Variants in BMP1 observed in about 807,000 individuals in gnomAD.
The protein encoded by BMP1 is mammalian tolloid protein.
Under a neutral mutation model 116.8 loss-of-function variants are expected in BMP1, and 63 were observed. That is an observed-to-expected ratio of 0.54 (90% CI 0.44 to 0.67). The LOEUF (loss-of-function observed/expected upper bound fraction) is 0.67. BMP1 is among the 30% of genes least tolerant of loss of function. The pLI, the probability that BMP1 is intolerant of heterozygous loss-of-function variation, is 0.00. For synonymous variants in BMP1, 536 were observed against 533.4 expected (o/e 1.00, Z -0.07); for missense variants, 1,183 against 1,358.9 (o/e 0.87, Z 2.04).
chr8:22,170,364 G>A (rs538515487), intron 1 of BMP1: 1 of 152,466 alleles, frequency 6.6e-6, no homozygotes, highest in Admixed American at 6.5e-5. Flanking sequence ...AAAGTGGCTG[G>A]TGGGTGCGTA....
chr8:22,194,798 C>A lies in BMP1; in HGVS notation c.1518C>A (p.Ile506=), dbSNP rs199671021. 1.6e-5 allele frequency: 26 copies of A among 1,613,746 alleles called. No homozygotes were observed. The highest frequency in any genetic ancestry group is 2.1e-5 in the Non-Finnish European group (25 of 1,179,886). The change falls in exon 12 of 20, where the codon ATC becomes ATA. Residue 506 remains isoleucine, a synonymous_variant. Transcript: ENST00000306385. The surrounding 1 kb of genome is among the most constrained non-coding windows in gnomAD (Gnocchi z 4.5). Reference sequence around the variant, plus strand: ...GGCACAGTGAGAGCAGCACCCTCATCGGGCGCTACTGTGGCTATGAGAAGC... The same window carrying A: ...GGCACAGTGAGAGCAGCACCCTCATAGGGCGCTACTGTGGCTATGAGAAGC... The part of the protein sequence containing the change: ...RDGHSESSTL[I]GRYCGYEKPD...
In BMP1 at chr8:22,185,660, C is replaced by T. The variant is rs947022473; in HGVS notation, c.1077+5177C>T. Among the ~76,000 whole-genome samples, 10 of 151,520 alleles carry T rather than the reference C, an allele frequency of 6.6e-5. No homozygotes were observed. In the East Asian group the frequency reaches 7.9e-4, roughly 12 times the overall value. ...TTATTGAGACTGAGTCTCACTCTGT[C>T]GCCCAAGCTGGAGTGCAGTGGCACG... On this transcript the variant is annotated intron_variant, in intron 8 of 19. Coordinates refer to ENST00000306385, the MANE Select transcript of BMP1 (RefSeq NM_006129.5).
chr8:22,199,232 A>G (rs1321225454), intron 15 of BMP1: 2 of 1,367,412 alleles, frequency 1.5e-6, no homozygotes, highest in Admixed American at 1.9e-5. Flanking sequence ...CTCAGCCCTC[A>G]GGGCCCGGGG....
In BMP1 at chr8:22,176,465, C is replaced by T. The variant is rs868802898; in HGVS notation, c.434-68C>T. ...GTCTGCCCTCAGAATGGCTGTGACT[C>T]TTCAGTGGTGGGTAGGGGGTGGGAC... On this transcript the variant is annotated intron_variant, in intron 3 of 19. Transcript: ENST00000306385. 3.2e-6 allele frequency: 5 copies of T among 1,579,558 alleles called. No homozygotes were observed. In the Middle Eastern group the frequency reaches 8.3e-4, roughly 264 times the overall value.
rs558626034 is a variant in BMP1, at chr8:22,195,106, C to T, written c.1639+187C>T. On this transcript the variant is annotated intron_variant, in intron 12 of 19. Coordinates refer to ENST00000306385, the MANE Select transcript of BMP1 (RefSeq NM_006129.5). ...CCCCAATGTGGATTAGAGGCAGGAC[C>T]TGCTGTATGATTCAGGGAGGAAAAA... is the stretch of plus-strand genomic sequence containing the variant. 3.9e-5 allele frequency among the ~76,000 whole-genome samples: 6 copies of T among 152,276 alleles called. No individual in the cohort carries two copies. In the South Asian group the frequency reaches 1.2e-3, roughly 32 times the overall value.
intron 8 of BMP1, among the ~76,000 whole-genome samples, chr8:22,187,522 T>TTTTC (rs1828809284): frequency 7.1e-6 from 1 of 139,866 alleles, no homozygotes; most frequent in Non-Finnish European, 1.5e-5. Flanking sequence ...TTTTTTTTTT[T>TTTTC]GTATTTTTAG....
At chr8:22,188,099 C>T (rs1189838610) in intron 8 of BMP1, among the ~76,000 whole-genome samples, 2 of 151,746 alleles carry the variant, frequency 1.3e-5, no homozygotes, top group African/African-American at 4.8e-5. Flanking sequence ...CGGGGTGCAC[C>T]AGAAGACTCT....
At chr8:22,202,268 C>G (rs958569720) in intron 16 of BMP1, among the ~76,000 whole-genome samples, 2 of 152,238 alleles carry the variant, frequency 1.3e-5, no homozygotes, top group African/African-American at 4.8e-5. Flanking sequence ...AAGAGCACAG[C>G]CTCCAGAGCC....
At chr8:22,173,530 G>A (rs1475229723) in intron 1 of BMP1, 72 bp from the exon 2 acceptor site, 2 of 1,183,968 alleles carry the variant, frequency 1.7e-6, no homozygotes, top group African/African-American at 3.1e-5. Flanking sequence ...ACAGGGTTGG[G>A]GCTAGAAGCA....
Position 22,196,572 on chromosome 8 carries a change from G to T in BMP1, c.1766-108G>T. On this transcript the variant is annotated intron_variant, in intron 13 of 19. Transcript: ENST00000306385. ...CAGACACAGGTCCCTGAGCCTTGGG[G>T]AGTCCACAGGCTCCCCATCTTCTCC... 2.0e-6 allele frequency: 3 copies of T among 1,525,256 alleles called. No individual in the cohort carries two copies. The South Asian group carries it at 3.4e-5, about 17-fold the overall frequency. The allele number at this position is 1,525,256 out of a possible 1,614,324, so 94.5% of individuals were successfully genotyped here. A position where few individuals can be genotyped will look rare whatever the true frequency, so the allele number is the denominator to read the frequency against.
At chr8:22,180,331 G>T (rs78637678) in intron 7 of BMP1, 37 bp from the exon 8 acceptor site, 2 of 1,550,990 alleles carry the variant, frequency 1.3e-6, no homozygotes, top group East Asian at 2.2e-5. Flanking sequence ...GGGATTTGGC[G>T]CCTGCAGCCC....
At chr8:22,188,177 G>GTTTTT (rs759296888) in intron 8 of BMP1, among the ~76,000 whole-genome samples, 7 of 124,594 alleles carry the variant, frequency 5.6e-5, no homozygotes, top group South Asian at 2.6e-4. Flanking sequence ...CCAGTTTTGG[G>GTTTTT]TTTTTTTTTT....
chr8:22,209,818 G>A (rs924656512), intron 19 of BMP1, 123 bp downstream of exon 19: 48 of 1,111,886 alleles, frequency 4.3e-5, no homozygotes, highest in Admixed American at 1.3e-4. Flanking sequence ...AGTGCAGCAC[G>A]CGTGTGGCCC....
intron 8 of BMP1, among the ~76,000 whole-genome samples, chr8:22,189,798 C>A (rs949124658): frequency 2.6e-5 from 4 of 152,162 alleles, no homozygotes; most frequent in Non-Finnish European, 1.5e-5. Context: ...TCTACTCCCT[C>A]GCAAGAGCTA....
intron 8 of BMP1, among the ~76,000 whole-genome samples, chr8:22,185,855 G>C (rs187567098): frequency 7.5e-5 from 8 of 106,932 alleles, no homozygotes; most frequent in Non-Finnish European, 1.2e-4. Context: ...TTTTTTTTGA[G>C]ACGAAGTCTT....
Position 22,194,378 on chromosome 8 carries a change from G to C in BMP1, c.1298-67G>C. 1 of 1,590,778 alleles carries C rather than the reference G, an allele frequency of 6.3e-7. No individual in the cohort carries two copies. The highest frequency in any genetic ancestry group is 8.6e-7 in the Non-Finnish European group (1 of 1,165,736). ...GGAGGGACTGGAGGAGTGGGGAAAA[G>C]AGCTCCCTAGCAGGGCAAAGCATGC... is the stretch of plus-strand genomic sequence containing the variant. On this transcript the variant is annotated intron_variant, in intron 10 of 19. Coordinates refer to ENST00000306385, the MANE Select transcript of BMP1 (RefSeq NM_006129.5). The surrounding 1 kb of genome is among the most constrained non-coding windows in gnomAD (Gnocchi z 4.5).
Position 22,177,079 on chromosome 8 carries a change from G to T in BMP1, c.670G>T (p.Glu224Ter). ...ELGHVVGFWH[E>*]HTRPDRDRHV... ...GGGCCACGTCGTCGGCTTCTGGCAC[G>T]AACACACTCGGCCAGACCGGGACCG... is the stretch of plus-strand genomic sequence containing the variant. The change falls in exon 5 of 20, where the codon GAA becomes TAA. Residue 224 changes from glutamate (E) to a stop codon, truncating the protein, a stop_gained. Transcript: ENST00000306385. LOFTEE classifies it high-confidence loss of function. 6.2e-7 allele frequency: 1 copy of T among 1,612,374 alleles called. No homozygotes were observed. The highest frequency in any genetic ancestry group is 8.5e-7 in the Non-Finnish European group (1 of 1,179,360).
chr8:22,211,606 G>T lies in BMP1; in HGVS notation c.2839G>T (p.Val947Leu), dbSNP rs1829462852. Residue 947 changes from valine (V) to leucine (L), a missense_variant, in exon 20 of 20, where the codon GTG becomes TTG. Val to Leu is a conservative substitution (Grantham distance 32). Transcript: ENST00000306385. ...RYCGSGPPEE[V>L]YSAGDSVLVK... ...TTTTCTCTGCCAGCCTCCTGAGGAG[G>T]TGTACTCGGCGGGAGATTCTGTCCT... 6.2e-7 allele frequency: 1 copy of T among 1,614,188 alleles called. No individual in the cohort carries two copies. The highest frequency in any genetic ancestry group is 8.5e-7 in the Non-Finnish European group (1 of 1,180,030).
intron 15 of BMP1, 75 bp from the exon 16 acceptor site, chr8:22,201,728 C>T: frequency 1.9e-6 from 3 of 1,588,158 alleles, no homozygotes; most frequent in Admixed American, 1.7e-5. Context: ...TCCAGCCAGG[C>T]CTCCACTTCC....
Sources: gnomAD v4.1 joint callset for allele counts (sites outside exome capture counted in the v4.1 genomes callset) on GRCh38, gnomAD v4.1.1 for gene constraint, Gnocchi (gnomAD v3.1) non-coding constraint, MANE v1.5 for transcripts, NCBI Gene and HGNC (gene_info 2026-07-23, HGNC 2026-07-21) for gene names.